Variants in NEGR1 observed in about 807,000 individuals in gnomAD.
NEGR1 encodes neuronal growth regulator 1, also known as IgLON family member 4.
Under a neutral mutation model 40.9 loss-of-function variants are expected in NEGR1, and 10 were observed. That is an observed-to-expected ratio of 0.24 (90% confidence interval 0.15 to 0.42). The LOEUF is 0.42. Ranked by LOEUF, NEGR1 falls within the 10% of genes least tolerant of loss-of-function variation. The pLI is 1.00. For synonymous variants in NEGR1, 185 were observed against 166.8 expected (o/e 1.11, Z -0.84); for missense variants, 352 against 438.9 (o/e 0.80, Z 1.77).
At chr1:72,091,272 G>T (rs567489257) in intron 1 of NEGR1, among the ~76,000 whole-genome samples, 1 of 152,066 alleles carries the variant, frequency 6.6e-6, no homozygotes, top group East Asian at 1.9e-4. Context: ...CTACAATGAT[G>T]GTGACAATGA....
chr1:71,730,113 T>C (rs1570268679), intron 3 of NEGR1, among the ~76,000 whole-genome samples: 2 of 152,080 alleles, frequency 1.3e-5, no homozygotes, highest in East Asian at 3.9e-4. Context: ...GGAGATCTCC[T>C]TTAAAAACTG....
chr1:71,907,254 T>G (rs989585327), intron 2 of NEGR1, among the ~76,000 whole-genome samples: 1 of 152,164 alleles, frequency 6.6e-6, no homozygotes, highest in Non-Finnish European at 1.5e-5. Flanking sequence ...TCCATAGTGG[T>G]TGTCTAGAAA....
chr1:72,071,658 C>T (rs1647467150), intron 1 of NEGR1, among the ~76,000 whole-genome samples: 1 of 151,964 alleles, frequency 6.6e-6, no homozygotes, highest in Non-Finnish European at 1.5e-5. Context: ...TGGAATGTCC[C>T]CTCTCTCATC....
intron 4 of NEGR1, among the ~76,000 whole-genome samples, chr1:71,636,869 A>G (rs1651169822): frequency 6.6e-6 from 1 of 151,988 alleles, no homozygotes; most frequent in Non-Finnish European, 1.5e-5. Flanking sequence ...TTTGCCACAT[A>G]CCCAAGGTAC....
rs565141590 is a variant in NEGR1, at chr1:71,407,537, C to T, written c.974G>A (p.Ser325Asn). 9.9e-6 allele frequency: 16 copies of T among 1,612,416 alleles called. No individual in the cohort carries two copies. The highest frequency in any genetic ancestry group is 9.3e-5 in the African/African-American group (7 of 74,960). Reference sequence around the variant, plus strand: ...CCAGCAGGAGAAAAGAACATCAGCGCTCCCGGTAATTCCATACTGGGCTGT... The same window carrying T: ...CCAGCAGGAGAAAAGAACATCAGCGTTCCCGGTAATTCCATACTGGGCTGT... ...PSTAQYGITG[S>N]ADVLFSCWYL... is the part of the protein sequence containing the mutation. Residue 325 changes from serine to asparagine, a missense_variant, in exon 7 of 7, where the codon AGC (serine) becomes AAC (asparagine). Around this residue, in one of 5 missense-constraint regions of NEGR1, gnomAD observed 184 missense variants for 208.7 expected, o/e 0.88. Coordinates refer to ENST00000357731, the MANE Select transcript of NEGR1 (RefSeq NM_173808.3).
At chr1:72,191,837 G>T (rs1652830891) in intron 1 of NEGR1, among the ~76,000 whole-genome samples, 1 of 151,590 alleles carries the variant, frequency 6.6e-6, no homozygotes, top group Non-Finnish European at 1.5e-5. Context: ...AGGGAAACAG[G>T]GTGGATTGAT....
At chr1:72,187,882 A>G (rs1227060338) in intron 1 of NEGR1, among the ~76,000 whole-genome samples, 2 of 151,438 alleles carry the variant, frequency 1.3e-5, no homozygotes, top group Non-Finnish European at 3.0e-5. Flanking sequence ...AAATTCAGGC[A>G]TGTCTGGCTC....
chr1:71,925,007 G>A (rs912262677), intron 2 of NEGR1, among the ~76,000 whole-genome samples: 4 of 151,836 alleles, frequency 2.6e-5, no homozygotes, highest in Admixed American at 6.6e-5. Context: ...AAAGAAATAC[G>A]TGCATTTATA....
At chr1:72,118,549 G>C (rs974898806) in intron 1 of NEGR1, among the ~76,000 whole-genome samples, 1 of 151,784 alleles carries the variant, frequency 6.6e-6, no homozygotes, top group Non-Finnish European at 1.5e-5. Flanking sequence ...CTGGAAGACA[G>C]TCAGTAAAGC....
At chr1:72,070,553 A>T (rs1569912244) in intron 1 of NEGR1, among the ~76,000 whole-genome samples, 1 of 152,082 alleles carries the variant, frequency 6.6e-6, no homozygotes, top group Admixed American at 6.6e-5. Flanking sequence ...AGTAATAAAA[A>T]TGTATAGATT....
intron 1 of NEGR1, among the ~76,000 whole-genome samples, chr1:72,042,815 G>T (rs1233901458): frequency 6.6e-6 from 1 of 151,940 alleles, no homozygotes; most frequent in Admixed American, 6.6e-5. Context: ...ATATTACCAG[G>T]ATGCTTTTAT....
intron 2 of NEGR1, among the ~76,000 whole-genome samples, chr1:71,824,168 G>T (rs889048213): frequency 1.3e-5 from 2 of 151,996 alleles, no homozygotes; most frequent in African/African-American, 4.8e-5. Context: ...CTTGCACAGT[G>T]AGGCTAGTGA....
At chr1:71,558,778 G>A (rs2101477455) in intron 6 of NEGR1, among the ~76,000 whole-genome samples, 1 of 145,008 alleles carries the variant, frequency 6.9e-6, no homozygotes, top group Admixed American at 7.0e-5. Context: ...AGATGCTCTA[G>A]GCTCATCTCG....
At chr1:71,739,347 C>T (rs1570279769) in intron 3 of NEGR1, among the ~76,000 whole-genome samples, 1 of 151,740 alleles carries the variant, frequency 6.6e-6, no homozygotes, top group Admixed American at 6.6e-5. Context: ...AGACTGGCTT[C>T]CTCGCTCCTC....
chr1:71,930,466 G>A (rs1459556333), intron 2 of NEGR1, among the ~76,000 whole-genome samples: 2 of 151,998 alleles, frequency 1.3e-5, no homozygotes, highest in African/African-American at 4.8e-5. Flanking sequence ...CAAATTTTAT[G>A]ATCTAACCTC....
chr1:71,895,335 C>G (rs1321563391), intron 2 of NEGR1, among the ~76,000 whole-genome samples: 2 of 152,128 alleles, frequency 1.3e-5, no homozygotes, highest in Non-Finnish European at 2.9e-5. Context: ...TATACAAACA[C>G]CACAAAATTT....
At chr1:71,767,596 C>T (rs1216791770) in intron 3 of NEGR1, among the ~76,000 whole-genome samples, 1 of 152,062 alleles carries the variant, frequency 6.6e-6, no homozygotes, top group Non-Finnish European at 1.5e-5. Context: ...TTCAGCCTTG[C>T]TATGTGGTAG....
intron 1 of NEGR1, among the ~76,000 whole-genome samples, chr1:72,119,966 A>G (rs1649734981): frequency 6.6e-6 from 1 of 152,036 alleles, no homozygotes; most frequent in Non-Finnish European, 1.5e-5. Context: ...TTTAAAATAA[A>G]TGATGTATAA....
chr1:71,961,363 C>T (rs1156257647), intron 1 of NEGR1, among the ~76,000 whole-genome samples: 1 of 152,108 alleles, frequency 6.6e-6, no homozygotes, highest in Non-Finnish European at 1.5e-5. Flanking sequence ...TAAAATTCTA[C>T]ATTTATAGAT....
Sources: allele counts gnomAD v4.1 joint callset (sites outside exome capture counted in the v4.1 genomes callset), GRCh38; gene constraint gnomAD v4.1.1; regional missense constraint gnomAD v4.1.1; transcripts MANE v1.5; gene names NCBI Gene and HGNC (gene_info 2026-07-23, HGNC 2026-07-21).